The following HTT-AS variants were observed in gnomAD, a reference collection of about 807,000 sequenced individuals.
The protein encoded by HTT-AS is HTT antisense RNA (head to head).
chr4:3,072,763 G>A (rs1204886909), intron 1 of HTT-AS, among the ~76,000 whole-genome samples: 1 of 152,158 alleles, frequency 6.6e-6, no homozygotes, highest in Non-Finnish European at 1.5e-5. Flanking sequence ...GAATAGCTGG[G>A]ACTACAGGCA....
chr4:3,052,611 C>T (rs1711724215), intron 2 of HTT-AS, among the ~76,000 whole-genome samples: 1 of 152,110 alleles, frequency 6.6e-6, no homozygotes, highest in Admixed American at 6.6e-5. Context: ...AATAACTAGG[C>T]AGGAAATATA....
chr4:3,074,571 C>T (rs2110128054), upstream of HTT-AS: 1 of 362,714 alleles, frequency 2.8e-6, no homozygotes, highest in African/African-American at 2.1e-5. Context: ...CAGCCATTGG[C>T]AGAGTCCGCA....
At chr4:3,072,085 C>T (rs554545413) in intron 1 of HTT-AS, among the ~76,000 whole-genome samples, 5 of 152,320 alleles carry the variant, frequency 3.3e-5, no homozygotes, top group East Asian at 1.9e-4. Context: ...CCATATGTAT[C>T]GTCACACGTT....
chr4:3,051,387 G>A (rs1222761259), intron 2 of HTT-AS, among the ~76,000 whole-genome samples: 1 of 152,012 alleles, frequency 6.6e-6, no homozygotes, highest in African/African-American at 2.4e-5. Context: ...GATATTTGGT[G>A]CCCCCATGCA....
At chr4:3,059,949 A>G (rs1711895832) in intron 2 of HTT-AS, among the ~76,000 whole-genome samples, 1 of 127,182 alleles carries the variant, frequency 7.9e-6, no homozygotes, top group South Asian at 2.5e-4. Flanking sequence ...ACGGAGTCTC[A>G]TTCATTCTGT....
intron 1 of HTT-AS, among the ~76,000 whole-genome samples, chr4:3,065,164 G>T (rs1481035869): frequency 1.3e-5 from 2 of 152,018 alleles, no homozygotes; most frequent in South Asian, 2.1e-4. Flanking sequence ...AGCCCAGAAG[G>T]CATCATTTTA....
chr4:3,062,784 AG>A (rs1578468133), exon 2 of HTT-AS, among the ~76,000 whole-genome samples: 1 of 151,886 alleles, frequency 6.6e-6, no homozygotes, highest in African/African-American at 2.4e-5. Flanking sequence ...TTGGAAGATG[AG>A]CCGTGAGGAA....
chr4:3,065,188 C>T (rs1296720154), intron 1 of HTT-AS, among the ~76,000 whole-genome samples: 2 of 151,928 alleles, frequency 1.3e-5, no homozygotes, highest in East Asian at 1.9e-4. Flanking sequence ...GATAAGGGCA[C>T]ACGCTGGAGG....
At chr4:3,064,667 T>C (rs986899600) in intron 1 of HTT-AS, among the ~76,000 whole-genome samples, 1 of 152,172 alleles carries the variant, frequency 6.6e-6, no homozygotes, top group East Asian at 1.9e-4. Flanking sequence ...GTTGTCAAAG[T>C]GCTACCCTTC....
downstream of HTT-AS, among the ~76,000 whole-genome samples, chr4:3,046,915 C>G (rs546552836): frequency 1.1e-4 from 17 of 152,330 alleles, no homozygotes; most frequent in African/African-American, 4.1e-4. Context: ...TGTCCAGGTT[C>G]TCACTTAGGT....
At chr4:3,049,876 T>C (rs1027407121) in intron 2 of HTT-AS, among the ~76,000 whole-genome samples, 4 of 150,134 alleles carry the variant, frequency 2.7e-5, no homozygotes, top group Non-Finnish European at 4.4e-5. Context: ...TAGCCCAGGG[T>C]TATAAACTAT....
intron 1 of HTT-AS, among the ~76,000 whole-genome samples, chr4:3,073,894 G>A (rs1712284699): frequency 6.6e-6 from 1 of 152,192 alleles, no homozygotes; most frequent in African/African-American, 2.4e-5. Context: ...GTGGCGGGAG[G>A]GCAAACCCCA....
intron 2 of HTT-AS, among the ~76,000 whole-genome samples, chr4:3,058,553 G>C (rs551745006): frequency 6.6e-6 from 1 of 152,118 alleles, no homozygotes; most frequent in South Asian, 2.1e-4. Context: ...AGGTCTTTGT[G>C]ACCTGTATCT....
intron 2 of HTT-AS, among the ~76,000 whole-genome samples, chr4:3,056,240 A>AT (rs1711802882): frequency 6.6e-6 from 1 of 152,242 alleles, no homozygotes; most frequent in Admixed American, 6.5e-5. Context: ...GCAATGAATG[A>AT]TTCGTGAATT....
At chr4:3,053,171 C>T (rs1478970825) in intron 2 of HTT-AS, among the ~76,000 whole-genome samples, 1 of 152,196 alleles carries the variant, frequency 6.6e-6, no homozygotes, top group Non-Finnish European at 1.5e-5. Flanking sequence ...AAAAATCTTA[C>T]AACTATTGGA....
At chr4:3,074,610 C>A (rs1288198096), upstream of HTT-AS, 10 of 435,044 alleles carry the variant, frequency 2.3e-5, no homozygotes, top group South Asian at 4.9e-5. Context: ...TGCTGGCCGG[C>A]GTGGCCCCGC....
At position 3,059,917 on chromosome 4, in the gene HTT-AS, G is replaced by GTTTTT. The variant is rs34372712; in HGVS notation, n.1380+2512_1380+2516dup. Among the ~76,000 whole-genome samples, 51 of 136,252 alleles carry GTTTTT rather than the reference G, an allele frequency of 3.7e-4. 7 individuals are homozygous for GTTTTT. Among genetic ancestry groups the GTTTTT allele is most frequent in the African/African-American group, 4.8e-4 (17 of 35,610 alleles). The allele number at this position is 136,252 out of a possible 152,430, so 89.4% of individuals were successfully genotyped here. A position where few individuals can be genotyped will look rare whatever the true frequency, so the allele number is the denominator to read the frequency against. On this transcript the variant is annotated intron_variant and non_coding_transcript_variant, in intron 2 of 2. Transcript: ENST00000664062. ...GTTGCTTTAACATCTTTGTCCCTGT[G>GTTTTT]TTTTTTGTTTTTTTTTTTGAGACGG...
At chr4:3,069,327 T>A (rs534823071) in intron 1 of HTT-AS, among the ~76,000 whole-genome samples, 189 of 147,638 alleles carry the variant, frequency 1.3e-3, no homozygotes, top group African/African-American at 1.6e-3. Flanking sequence ...TTTTTTTTTT[T>A]AAATATTTAG....
At chr4:3,068,861 G>C (rs557207611) in intron 1 of HTT-AS, among the ~76,000 whole-genome samples, 2 of 152,146 alleles carry the variant, frequency 1.3e-5, no homozygotes, top group East Asian at 3.9e-4. Context: ...CTCCATGTTG[G>C]CCAGGCTGGT....
Sources: allele counts gnomAD v4.1 joint callset (sites outside exome capture counted in the v4.1 genomes callset), GRCh38; gene constraint gnomAD v4.1.1; transcripts MANE v1.5; gene names NCBI Gene and HGNC (gene_info 2026-07-23, HGNC 2026-07-21).